Variants in PIK3R1 observed in about 807,000 individuals in gnomAD.
PIK3R1 encodes phosphoinositide-3-kinase regulatory subunit 1, also known as phosphatidylinositol 3-kinase regulatory subunit alpha.
A neutral mutation model predicts 98.0 loss-of-function variants in PIK3R1; 29 were observed. That is an observed-to-expected ratio of 0.30 (90% confidence interval 0.22 to 0.40). The LOEUF is 0.40. Ranked by LOEUF, PIK3R1 falls within the 10% of genes least tolerant of loss-of-function variation. The pLI, the probability that PIK3R1 is intolerant of heterozygous loss-of-function variation, is 1.00. For missense variants in PIK3R1, 596 were observed against 872.7 expected (o/e 0.68, Z 3.99); for synonymous variants, 282 against 311.8 (o/e 0.90, Z 1.01).
chr5:68,226,540 G>C lies in PIK3R1; in HGVS notation c.-136G>C. On this transcript the variant is annotated 5_prime_UTR_variant, in exon 2 of 16. Coordinates refer to ENST00000521381, the MANE Select transcript of PIK3R1 (RefSeq NM_181523.3). ...TCACCTCTCCTCTTAAACCTTTGGAGAGTGGTCCTTTGTCCTCTGCTGGAC... is the reference window on the plus strand; with the variant it reads ...TCACCTCTCCTCTTAAACCTTTGGACAGTGGTCCTTTGTCCTCTGCTGGAC... 1.5e-6 allele frequency: 1 copy of C among 683,378 alleles called. No homozygotes were observed. The highest frequency in any genetic ancestry group is 2.5e-6 in the Non-Finnish European group (1 of 406,138). 42.3% of individuals were successfully genotyped at this position (683,378 alleles called of 1,614,324 possible). A position where few individuals can be genotyped will look rare whatever the true frequency, so the allele number is the denominator to read the frequency against.
intron 11 of PIK3R1, among the ~76,000 whole-genome samples, chr5:68,294,146 T>C (rs937622493): frequency 1.3e-5 from 2 of 152,220 alleles, no homozygotes; most frequent in African/African-American, 4.8e-5. Context: ...CACAGACTTG[T>C]CTAATCCCTG....
intron 2 of PIK3R1, among the ~76,000 whole-genome samples, chr5:68,263,995 G>C (rs550071083): frequency 1.3e-5 from 2 of 151,986 alleles, no homozygotes; most frequent in Non-Finnish European, 2.9e-5. Flanking sequence ...TGATTTGAAG[G>C]GCCCTCTGTC....
chr5:68,256,552 G>T (rs1433280521), intron 2 of PIK3R1, among the ~76,000 whole-genome samples: 1 of 152,066 alleles, frequency 6.6e-6, no homozygotes, highest in East Asian at 1.9e-4. Context: ...TTTTTAAAGG[G>T]CTACATAAAT....
Position 68,299,348 on chromosome 5 carries a change from G to A in PIK3R1, c.*1747G>A, listed in dbSNP as rs1177227508. On this transcript the variant is annotated 3_prime_UTR_variant, in exon 16 of 16. Coordinates refer to ENST00000521381, the MANE Select transcript of PIK3R1 (RefSeq NM_181523.3). ...TCATACTGTCACTGCTCTGGACTGT[G>A]TGGAGCTCGCTAAAGTCATGGTCAT... 4.3e-6 allele frequency: 1 copy of A among 233,504 alleles called. No homozygotes were observed. The highest frequency in any genetic ancestry group is 2.2e-5 in the African/African-American group (1 of 45,324). The allele number at this position is 233,504 out of a possible 1,614,324, so 14.5% of individuals were successfully genotyped here.
chr5:68,262,512 A>T (rs1034698467), intron 2 of PIK3R1, among the ~76,000 whole-genome samples: 1 of 107,960 alleles, frequency 9.3e-6, no homozygotes, highest in Non-Finnish European at 1.9e-5. Context: ...CTATATATGT[A>T]TACATATAGA....
intron 2 of PIK3R1, among the ~76,000 whole-genome samples, chr5:68,253,596 A>ATT (rs143740942): frequency 2.6e-5 from 4 of 151,150 alleles, no homozygotes; most frequent in African/African-American, 9.7e-5. Context: ...AAAGGGATCT[A>ATT]TTTTTTTTTA....
intron 11 of PIK3R1, among the ~76,000 whole-genome samples, chr5:68,294,077 A>C (rs1189142345): frequency 6.6e-6 from 1 of 152,238 alleles, no homozygotes; most frequent in African/African-American, 2.4e-5. Flanking sequence ...TTTCAAGTTG[A>C]TTTAATTCGT....
chr5:68,240,383 G>C (rs1277066172), intron 2 of PIK3R1, among the ~76,000 whole-genome samples: 1 of 152,158 alleles, frequency 6.6e-6, no homozygotes, highest in Non-Finnish European at 1.5e-5. Flanking sequence ...CTTCCCCTTA[G>C]GGGAAACTTG....
chr5:68,223,428 G>T (rs142761494), intron 1 of PIK3R1, among the ~76,000 whole-genome samples: 236 of 151,628 alleles, frequency 1.6e-3, no homozygotes, highest in African/African-American at 5.4e-3. Context: ...CTGACTAATG[G>T]CTGGCCTTGA....
intron 2 of PIK3R1, among the ~76,000 whole-genome samples, chr5:68,269,282 G>A (rs922175417): frequency 1.2e-4 from 19 of 152,180 alleles, no homozygotes; most frequent in African/African-American, 3.6e-4. Flanking sequence ...ATTCTTAAGA[G>A]TGGAGTTGGT....
At chr5:68,273,610 C>G in intron 3 of PIK3R1, 128 bp downstream of exon 3, 1 of 809,068 alleles carries the variant, frequency 1.2e-6, no homozygotes. Context: ...CTCTGCTGGA[C>G]ACTCAAACTG....
At chr5:68,224,599 C>T (rs1283057617) in intron 1 of PIK3R1, among the ~76,000 whole-genome samples, 1 of 152,160 alleles carries the variant, frequency 6.6e-6, no homozygotes, top group African/African-American at 2.4e-5. Context: ...TCTTAAGATG[C>T]CTCCACTGAC....
In PIK3R1 at chr5:68,297,740, T is replaced by C. The variant is rs1213252300; in HGVS notation, c.*139T>C. The C allele has an allele frequency of 1.0e-5, 7 of 691,512 alleles. No individual in the cohort carries two copies. Among genetic ancestry groups the C allele is most frequent in the African/African-American group, 7.1e-5 (4 of 55,960 alleles). The allele number at this position is 691,512 out of a possible 1,614,324, so 42.8% of individuals were successfully genotyped here. A position where few individuals can be genotyped will look rare whatever the true frequency, so the allele number is the denominator to read the frequency against. On this transcript the variant is annotated 3_prime_UTR_variant, in exon 16 of 16. Transcript: ENST00000521381. Reference sequence around the variant, plus strand: ...TTCTTTGGATGGGACTAGAGCTTTCTTTCACAAAAAAGAAGTAGGGGAAGA... The same window carrying C: ...TTCTTTGGATGGGACTAGAGCTTTCCTTCACAAAAAAGAAGTAGGGGAAGA...
At position 68,226,852 on chromosome 5, in the gene PIK3R1, T is replaced by C. The variant is rs1279964790; in HGVS notation, c.177T>C (p.Tyr59=). Residue 59 remains tyrosine, a synonymous_variant, in exon 2 of 16, where the codon TAT becomes TAC. Coordinates refer to ENST00000521381, the MANE Select transcript of PIK3R1 (RefSeq NM_181523.3). Reference sequence around the variant, plus strand: ...AAGAAATTGGCTGGTTAAATGGCTATAATGAAACCACAGGGGAAAGGGGGG... The same window carrying C: ...AAGAAATTGGCTGGTTAAATGGCTACAATGAAACCACAGGGGAAAGGGGGG... ...RPEEIGWLNG[Y]NETTGERGDF... is the part of the protein sequence containing the mutation. The C allele has an allele frequency of 1.2e-6, 2 of 1,613,980 alleles. No homozygotes were observed. The highest frequency in any genetic ancestry group is 2.2e-5 in the South Asian group (2 of 91,080).
At chr5:68,219,299 A>C (rs1744009845) in intron 1 of PIK3R1, among the ~76,000 whole-genome samples, 2 of 152,232 alleles carry the variant, frequency 1.3e-5, no homozygotes, top group African/African-American at 4.8e-5. Flanking sequence ...ACCTGTAGTC[A>C]AAATAGTTGT....
intron 2 of PIK3R1, 70 bp from the exon 3 acceptor site, chr5:68,273,320 G>A (rs1441806082): frequency 2.1e-5 from 28 of 1,316,384 alleles, no homozygotes; most frequent in East Asian, 6.9e-5. Flanking sequence ...TATTTTGTAC[G>A]TCCTTCATTG....
In PIK3R1 at chr5:68,296,285, T is replaced by C. The variant is rs997533164; in HGVS notation, c.1929T>C (p.Asp643=). 8 of 1,614,094 alleles carry C rather than the reference T, an allele frequency of 5.0e-6. No homozygotes were observed. Among genetic ancestry groups the C allele is most frequent in the Admixed American group, 3.3e-5 (2 of 60,008 alleles). ...AAAACCTGTTGCGAGGGAAGCGAGA[T>C]GGCACTTTTCTTGTCCGGGAGAGCA... ...KAENLLRGKR[D]GTFLVRESSK... The change falls in exon 15 of 16, where the codon GAT becomes GAC. Residue 643 remains aspartate, a synonymous_variant. Coordinates refer to ENST00000521381, the MANE Select transcript of PIK3R1 (RefSeq NM_181523.3).
chr5:68,290,845 A>G (rs1440041817), intron 7 of PIK3R1: 2 of 1,570,598 alleles, frequency 1.3e-6, no homozygotes, highest in Non-Finnish European at 8.7e-7. Context: ...GTAATACTGC[A>G]GTATTATTGT....
At chr5:68,250,103 G>C (rs902560357) in intron 2 of PIK3R1, among the ~76,000 whole-genome samples, 1 of 152,186 alleles carries the variant, frequency 6.6e-6, no homozygotes, top group Non-Finnish European at 1.5e-5. Context: ...CACACCTTGG[G>C]AACAGCTGGG....
Sources: allele counts gnomAD v4.1 joint callset (sites outside exome capture counted in the v4.1 genomes callset), GRCh38; gene constraint gnomAD v4.1.1; transcripts MANE v1.5; gene names NCBI Gene and HGNC (gene_info 2026-07-23, HGNC 2026-07-21).